The following RAB3GAP1 variants were observed in gnomAD, a reference collection of about 807,000 sequenced individuals.
RAB3GAP1 encodes the protein RAB3 GTPase activating protein catalytic subunit 1, also known as rab3 GTPase-activating protein catalytic subunit.
A neutral mutation model predicts 130.7 loss-of-function variants in RAB3GAP1; 86 were observed. The ratio of observed to expected loss-of-function variants is 0.66; its 90% confidence interval spans 0.55 to 0.79. The LOEUF (loss-of-function observed/expected upper bound fraction) is 0.79, where lower values mean the gene tolerates loss of function less well. Among genes scored for constraint, RAB3GAP1 ranks in the 30% least tolerant of loss-of-function variants. The pLI, the probability that RAB3GAP1 is intolerant of heterozygous loss-of-function variation, is 0.00. For synonymous variants in RAB3GAP1, 367 were observed against 401.7 expected (o/e 0.91, Z 1.03); for missense variants, 1,029 against 1,169.4 (o/e 0.88, Z 1.75).
chr2:135,174,799 T>C (rs893359938), downstream of RAB3GAP1, among the ~76,000 whole-genome samples: 1 of 152,204 alleles, frequency 6.6e-6, no homozygotes, highest in Non-Finnish European at 1.5e-5. Flanking sequence ...CCTCAACTAT[T>C]CTGGGACTGA....
intron 5 of RAB3GAP1, among the ~76,000 whole-genome samples, chr2:135,105,357 G>C (rs967563573): frequency 2.6e-5 from 4 of 151,416 alleles, no homozygotes; most frequent in Admixed American, 6.6e-5. Flanking sequence ...TCAGCCTGCC[G>C]AGTGCCTGGG....
intron 23 of RAB3GAP1, among the ~76,000 whole-genome samples, chr2:135,168,058 C>G (rs2105007102): frequency 6.6e-6 from 1 of 152,180 alleles, no homozygotes; most frequent in East Asian, 1.9e-4. Flanking sequence ...CATTAGCTGC[C>G]CAGCAAGCAA....
At chr2:135,114,261 A>C (rs575715468) in intron 6 of RAB3GAP1, among the ~76,000 whole-genome samples, 1 of 152,320 alleles carries the variant, frequency 6.6e-6, no homozygotes, top group Non-Finnish European at 1.5e-5. Context: ...CCCTATTCTT[A>C]AATGGAAGTA....
Position 135,130,683 on chromosome 2 carries a change from T to C in RAB3GAP1, c.1198T>C (p.Ser400Pro), listed in dbSNP as rs766279484. 7 of 1,613,110 alleles carry C rather than the reference T, an allele frequency of 4.3e-6. No homozygotes were observed. In the Admixed American group the frequency reaches 5.0e-5, roughly 12 times the overall value. Residue 400 changes from serine to proline, a missense_variant, in exon 13 of 24, where the codon TCA becomes CCA. Transcript: ENST00000264158. ...KIRKHRGVEE[S>P]PLNNDVLNTI... ...CCGAAAACACAGAGGTGTAGAGGAG[T>C]CACCGCTAAATAATGATGTTCTTAA... is the stretch of plus-strand genomic sequence containing the variant.
At chr2:135,090,918 G>A (rs1461030724) in intron 3 of RAB3GAP1, 80 bp from the exon 4 acceptor site, 2 of 1,362,590 alleles carry the variant, frequency 1.5e-6, no homozygotes, top group East Asian at 4.6e-5. Context: ...AGAAAAAGGG[G>A]AAAATATCCC....
chr2:135,068,064 C>T (rs543607739), intron 3 of RAB3GAP1, among the ~76,000 whole-genome samples: 36 of 152,176 alleles, frequency 2.4e-4, no homozygotes, highest in African/African-American at 7.7e-4. Context: ...TTACTAGAGT[C>T]AGTAAAATGA....
At chr2:135,107,371 T>C (rs1250939992) in intron 5 of RAB3GAP1, among the ~76,000 whole-genome samples, 1 of 147,678 alleles carries the variant, frequency 6.8e-6, no homozygotes, top group Non-Finnish European at 1.5e-5. Flanking sequence ...CACTATATTG[T>C]TGGGTTTATA....
downstream of RAB3GAP1, among the ~76,000 whole-genome samples, chr2:135,172,058 G>A (rs189354965): frequency 1.3e-4 from 20 of 152,284 alleles, no homozygotes; most frequent in Middle Eastern, 3.4e-3. Flanking sequence ...AGCTGTAGGA[G>A]TTGAGATTTG....
chr2:135,058,147 C>A (rs1369707978), intron 3 of RAB3GAP1, 61 bp downstream of exon 3: 1 of 1,372,148 alleles, frequency 7.3e-7, no homozygotes, highest in Admixed American at 1.7e-5. Flanking sequence ...TATTTTCCAG[C>A]CCTTTGCTGC....
intron 3 of RAB3GAP1, among the ~76,000 whole-genome samples, chr2:135,087,707 A>G (rs1461634810): frequency 8.5e-5 from 13 of 152,152 alleles, no homozygotes; most frequent in Non-Finnish European, 1.9e-4. Context: ...GATGGTTATT[A>G]TATATTGACC....
intron 3 of RAB3GAP1, among the ~76,000 whole-genome samples, chr2:135,063,642 A>G (rs920364704): frequency 8.5e-5 from 13 of 152,150 alleles, no homozygotes; most frequent in African/African-American, 3.1e-4. Context: ...GGGTTATAGC[A>G]CATGTCAGAA....
intron 17 of RAB3GAP1, among the ~76,000 whole-genome samples, chr2:135,140,141 A>T: frequency 6.6e-6 from 1 of 152,046 alleles, no homozygotes; most frequent in Non-Finnish European, 1.5e-5. Context: ...TTATCCATTC[A>T]CCCGTTGATG....
intron 5 of RAB3GAP1, among the ~76,000 whole-genome samples, chr2:135,112,822 TCTCTCTCTCTCTCA>T (rs905912452): frequency 2.1e-4 from 29 of 136,810 alleles, no homozygotes; most frequent in African/African-American, 8.9e-4. Flanking sequence ...AAAGTCTCTC[TCTCTCTCTCTCTCA>T]CACACACACA....
intron 3 of RAB3GAP1, among the ~76,000 whole-genome samples, chr2:135,081,353 T>TATATATAC (rs1689809133): frequency 1.1e-5 from 1 of 91,156 alleles, no homozygotes; most frequent in East Asian, 3.0e-4. Flanking sequence ...TATATATATA[T>TATATATAC]ATATATATAC....
intron 5 of RAB3GAP1, among the ~76,000 whole-genome samples, chr2:135,097,119 G>C (rs970593512): frequency 6.6e-6 from 1 of 151,068 alleles, no homozygotes; most frequent in Non-Finnish European, 1.5e-5. Flanking sequence ...AAAATCAGGA[G>C]ATAGAACAGT....
chr2:135,062,321 T>TA (rs1304552349), intron 3 of RAB3GAP1, among the ~76,000 whole-genome samples: 1 of 152,270 alleles, frequency 6.6e-6, no homozygotes, highest in Non-Finnish European at 1.5e-5. Flanking sequence ...TATTTAATAG[T>TA]ATCTTTGGTT....
At chr2:135,097,974 G>T (rs752938905) in intron 5 of RAB3GAP1, among the ~76,000 whole-genome samples, 1 of 152,138 alleles carries the variant, frequency 6.6e-6, no homozygotes, top group East Asian at 1.9e-4. Context: ...TAGAGTAGTT[G>T]TACCATTTTG....
Position 135,150,508 on chromosome 2 carries a change from T to G in RAB3GAP1, c.2061+2T>G. The stretch of plus-strand genomic sequence containing the variant: ...CTCTCAGATATGGAGTCTTTTAAGG[T>G]GGGTCACACTTGCAGAGCTCTGGGG... On this transcript the variant is annotated splice_donor_variant, in intron 18 of 23. Coordinates refer to ENST00000264158, the MANE Select transcript of RAB3GAP1 (RefSeq NM_012233.3). LOFTEE classifies it high-confidence loss of function. The G allele has an allele frequency of 6.2e-7, 1 of 1,613,924 alleles. No individual in the cohort carries two copies. The highest frequency in any genetic ancestry group is 8.5e-7 in the Non-Finnish European group (1 of 1,180,006).
chr2:135,091,987 A>G (rs867722557), intron 4 of RAB3GAP1, among the ~76,000 whole-genome samples: 15 of 152,322 alleles, frequency 9.8e-5, no homozygotes, highest in African/African-American at 3.4e-4. Flanking sequence ...GTAAGCTCAG[A>G]CCTGAAAAAA....
Sources: gnomAD v4.1 joint callset for allele counts (sites outside exome capture counted in the v4.1 genomes callset) on GRCh38, gnomAD v4.1.1 for gene constraint, MANE v1.5 for transcripts, NCBI Gene and HGNC (gene_info 2026-07-23, HGNC 2026-07-21) for gene names.